GRIK4: variants seen among roughly 807,000 people sequenced by gnomAD.
GRIK4 encodes glutamate receptor ionotropic, kainate 4.
In GRIK4, 40 loss-of-function variants were observed where a neutral mutation model predicts 104.9. The ratio of observed to expected loss-of-function variants is 0.38; its 90% CI spans 0.30 to 0.50. The LOEUF is 0.50. GRIK4 is among the 20% of genes least tolerant of loss of function. The probability of loss-of-function intolerance (pLI) is 0.93; values close to 1 mark genes in which losing one functional copy is unlikely to be tolerated. For synonymous variants in GRIK4, 485 were observed against 524.9 expected (o/e 0.92, Z 1.04); for missense variants, 1,047 against 1,308.1 (o/e 0.80, Z 3.08).
intron 3 of GRIK4, among the ~76,000 whole-genome samples, chr11:120,754,411 C>T (rs556211260): frequency 1.3e-5 from 2 of 152,270 alleles, no homozygotes; most frequent in African/African-American, 2.4e-5. Context: ...CGGGTTGTAG[C>T]GTGTGTCAAT....
chr11:120,920,626 C>T, intron 13 of GRIK4, among the ~76,000 whole-genome samples: 1 of 151,552 alleles, frequency 6.6e-6, no homozygotes, highest in Admixed American at 6.6e-5. Context: ...CTCACATATT[C>T]CCCCCAGGAG....
intron 1 of GRIK4, among the ~76,000 whole-genome samples, chr11:120,536,396 A>G (rs1431710093): frequency 6.6e-6 from 1 of 152,192 alleles, no homozygotes; most frequent in Admixed American, 6.5e-5. Context: ...GCCTTAAGCC[A>G]ATGCCTGATG....
At chr11:120,702,553 G>C (rs1950570118) in intron 3 of GRIK4, among the ~76,000 whole-genome samples, 1 of 152,152 alleles carries the variant, frequency 6.6e-6, no homozygotes, top group Non-Finnish European at 1.5e-5. Context: ...CAGAGCTCGG[G>C]GGTGCTTTGA....
chr11:120,911,334 G>T (rs1346642387), intron 13 of GRIK4, among the ~76,000 whole-genome samples: 3 of 150,178 alleles, frequency 2.0e-5, no homozygotes, highest in Non-Finnish European at 4.4e-5. Context: ...CGCCTCCCGG[G>T]TTCACGCCAT....
intron 1 of GRIK4, among the ~76,000 whole-genome samples, chr11:120,649,100 A>G (rs1296394067): frequency 1.3e-5 from 2 of 152,050 alleles, no homozygotes; most frequent in Non-Finnish European, 2.9e-5. Context: ...CAATTCCGAG[A>G]GACTATTCTG....
chr11:120,677,273 GTGGGCTCCGC>G (rs1306839835), intron 3 of GRIK4, among the ~76,000 whole-genome samples: 1 of 152,198 alleles, frequency 6.6e-6, no homozygotes, highest in Non-Finnish European at 1.5e-5. Flanking sequence ...CCTGTGTTGT[GTGGGCTCCGC>G]TGGGCTCCGC....
At chr11:120,862,194 G>A (rs1954283429) in intron 9 of GRIK4, 74 bp downstream of exon 9, 3 of 1,288,172 alleles carry the variant, frequency 2.3e-6, no homozygotes, top group South Asian at 2.7e-5. Context: ...CAACCCCTGG[G>A]CAACACATCT....
intron 12 of GRIK4, among the ~76,000 whole-genome samples, chr11:120,899,284 G>A (rs1001327920): frequency 6.6e-6 from 1 of 151,962 alleles, no homozygotes; most frequent in South Asian, 2.1e-4. Context: ...AGCTGGGCAC[G>A]GTGGCACACG....
intron 8 of GRIK4, among the ~76,000 whole-genome samples, chr11:120,855,141 G>A (rs1003421386): frequency 4.6e-5 from 7 of 152,316 alleles, no homozygotes; most frequent in South Asian, 2.1e-4. Context: ...AATGATGACC[G>A]TGGAGAGATT....
chr11:120,955,181 G>T (rs1266636051), intron 15 of GRIK4, among the ~76,000 whole-genome samples: 1 of 152,202 alleles, frequency 6.6e-6, no homozygotes, highest in Non-Finnish European at 1.5e-5. Context: ...AAGGGCCTGA[G>T]AATCTGTATC....
intron 1 of GRIK4, among the ~76,000 whole-genome samples, chr11:120,526,803 T>A (rs140193018): frequency 6.6e-6 from 1 of 152,082 alleles, no homozygotes; most frequent in Non-Finnish European, 1.5e-5. Flanking sequence ...GAGCCAAGAT[T>A]GCACCATTGC....
chr11:120,620,251 G>T, intron 1 of GRIK4: 1 of 752,142 alleles, frequency 1.3e-6, no homozygotes, highest in South Asian at 1.4e-5. Context: ...ACCCTAATAG[G>T]TTTTCTCCTC....
At chr11:120,815,556 G>A (rs769386628) in intron 5 of GRIK4, 81 bp downstream of exon 5, 27 of 779,080 alleles carry the variant, frequency 3.5e-5, no homozygotes, top group African/African-American at 7.2e-5. Flanking sequence ...ATTCTCAAGG[G>A]CTGGAAGAGC....
At chr11:120,811,545 G>T (rs1210074566) in intron 4 of GRIK4, among the ~76,000 whole-genome samples, 1 of 152,164 alleles carries the variant, frequency 6.6e-6, no homozygotes, top group Admixed American at 6.5e-5. Context: ...AAATATGTCA[G>T]TTCCCGTAAG....
intron 4 of GRIK4, among the ~76,000 whole-genome samples, chr11:120,814,996 C>A (rs1952907879): frequency 6.6e-6 from 1 of 152,238 alleles, no homozygotes; most frequent in African/African-American, 2.4e-5. Context: ...ACTAATGCAG[C>A]AGCTGTGCTG....
rs974204966 is a variant in GRIK4, at chr11:120,843,367, T to A, written c.744+6523T>A. On this transcript the variant is annotated intron_variant, in intron 8 of 20. Transcript: ENST00000527524. ...TTTGGGGAATCTAGAGAGAAGGGACTGAGAGCTGGGTATGCCATGTTAGAA... is the reference window on the plus strand; with the variant it reads ...TTTGGGGAATCTAGAGAGAAGGGACAGAGAGCTGGGTATGCCATGTTAGAA... 1.2e-4 allele frequency among the ~76,000 whole-genome samples: 19 copies of A among 152,194 alleles called. 3 individuals are homozygous for A. Among genetic ancestry groups the A allele is most frequent in the Admixed American group, 1.2e-3 (19 of 15,286 alleles).
intron 5 of GRIK4, among the ~76,000 whole-genome samples, chr11:120,818,427 T>C (rs570544377): frequency 5.3e-5 from 8 of 152,230 alleles, no homozygotes; most frequent in Non-Finnish European, 8.8e-5. Flanking sequence ...ATGACACAGA[T>C]CAATGTCACT....
chr11:120,791,875 C>T (rs2135492993), intron 3 of GRIK4, among the ~76,000 whole-genome samples: 1 of 152,092 alleles, frequency 6.6e-6, no homozygotes, highest in East Asian at 1.9e-4. Context: ...ATCAGTTTTC[C>T]ACAAATGCAC....
rs1944397459 is a variant in GRIK4, at chr11:120,967,143, C to T, written c.2267-52C>T. On this transcript the variant is annotated intron_variant, in intron 18 of 20. Transcript: ENST00000527524. The surrounding 1 kb of genome is among the most constrained non-coding windows in gnomAD (Gnocchi z 4.2). ...TGCCGGGAAGGGGAGCAGAGTGACA[C>T]CTAACAGGGCATTCACAACCTGTGT... 1 of 1,573,730 alleles carries T rather than the reference C, an allele frequency of 6.4e-7. No homozygotes were observed. The highest frequency in any genetic ancestry group is 8.6e-7 in the Non-Finnish European group (1 of 1,158,206).
Sources: allele counts gnomAD v4.1 joint callset (sites outside exome capture counted in the v4.1 genomes callset), GRCh38; gene constraint gnomAD v4.1.1; non-coding constraint Gnocchi (gnomAD v3.1); transcripts MANE v1.5; gene names NCBI Gene and HGNC (gene_info 2026-07-23, HGNC 2026-07-21).